The following DNAAF8 variants were observed in gnomAD, a reference collection of about 807,000 sequenced individuals.
DNAAF8 encodes the protein dynein axonemal-associated protein 1.
Under a neutral mutation model 54.6 loss-of-function variants are expected in DNAAF8, and 61 were observed. The ratio of observed to expected loss-of-function variants is 1.12; its 90% confidence interval spans 0.91 to 1.38. The LOEUF is 1.38. DNAAF8 is among the 40% of genes most tolerant of loss of function. The probability of loss-of-function intolerance (pLI) is 0.00; values close to 1 mark genes in which losing one functional copy is unlikely to be tolerated. For missense variants in DNAAF8, 837 were observed against 665.0 expected, an observed-to-expected ratio of 1.26 and a Z score of -2.85; for synonymous variants, 320 against 270.1, an observed-to-expected ratio of 1.18 and a Z score of -1.81.
chr16:4,745,964 A>AAG (rs1555483541), intron 6 of DNAAF8, among the ~76,000 whole-genome samples: 4 of 151,814 alleles, frequency 2.6e-5, no homozygotes, highest in Non-Finnish European at 5.9e-5. Context: ...AAAAAAAAAA[A>AAG]AAAAAGAAAA....
Position 4,740,208 on chromosome 16 carries a change from G to C in DNAAF8, c.332G>C (p.Arg111Thr), listed in dbSNP as rs749965261. Residue 111 changes from arginine (R) to threonine (T), a missense_variant, in exon 4 of 10, where the codon AGG (arginine) becomes ACG (threonine). Arg to Thr is a moderately conservative substitution (Grantham distance 71, BLOSUM62 -1). Coordinates refer to ENST00000299320, the MANE Select transcript of DNAAF8 (RefSeq NM_139170.3). ...GAACCTGGGTGCAGACAGAACACAA[G>C]GACAAAGGATGCATCCTCTCAGGAA... ...ATEPGCRQNT[R>T]TKDASSQEGR... The C allele has an allele frequency of 1.6e-5, 26 of 1,613,922 alleles. No individual in the cohort carries two copies. In the South Asian group the frequency reaches 2.6e-4, roughly 16 times the overall value.
intron 3 of DNAAF8, among the ~76,000 whole-genome samples, chr16:4,739,244 T>G (rs1010713650): frequency 9.4e-5 from 14 of 149,496 alleles, no homozygotes; most frequent in Non-Finnish European, 1.6e-4. Flanking sequence ...CTTCAGAAAC[T>G]CTTCTGGATG....
At chr16:4,741,183 G>A (rs567060785) in intron 4 of DNAAF8, among the ~76,000 whole-genome samples, 18 of 144,684 alleles carry the variant, frequency 1.2e-4, no homozygotes, top group Non-Finnish European at 2.5e-4. Context: ...GCAGTGAGCC[G>A]ATATCGCACC....
chr16:4,738,495 C>T (rs530335173), intron 3 of DNAAF8, among the ~76,000 whole-genome samples: 3 of 152,342 alleles, frequency 2.0e-5, no homozygotes, highest in South Asian at 4.1e-4. Context: ...GTGGACTAAG[C>T]GTGCCAACGC....
intron 4 of DNAAF8, among the ~76,000 whole-genome samples, chr16:4,742,047 T>TA (rs749259437): frequency 1.3e-5 from 2 of 152,168 alleles, no homozygotes; most frequent in Non-Finnish European, 2.9e-5. Flanking sequence ...TTTCTCCACT[T>TA]AGAGGGCTGC....
rs148714990 is a variant in DNAAF8, at chr16:4,740,253, C to T, written c.377C>T (p.Pro126Leu). ...SSQEGRDPGR[P>L]FESSGEVSAL... ...CAGGAAGGAAGAGACCCTGGCAGGCCTTTTGAAAGCTCTGGTGAGGTCAGC... is the reference window on the plus strand; with the variant it reads ...CAGGAAGGAAGAGACCCTGGCAGGCTTTTTGAAAGCTCTGGTGAGGTCAGC... Residue 126 changes from proline to leucine, a missense_variant, in exon 4 of 10, where the codon CCT (proline) becomes CTT (leucine). Coordinates refer to ENST00000299320, the MANE Select transcript of DNAAF8 (RefSeq NM_139170.3). 6.8e-6 allele frequency: 11 copies of T among 1,614,050 alleles called. No homozygotes were observed. The African/African-American group carries it at 1.2e-4, about 18-fold the overall frequency.
chr16:4,738,422 T>G (rs1220395189), intron 3 of DNAAF8, among the ~76,000 whole-genome samples: 1 of 152,178 alleles, frequency 6.6e-6, no homozygotes, highest in Non-Finnish European at 1.5e-5. Flanking sequence ...GGCCCATCAG[T>G]GCCTGAGCAA....
Position 4,747,442 on chromosome 16 carries a change from G to C in DNAAF8, c.1380G>C (p.Gly460=), listed in dbSNP as rs1301460777. 3 of 1,613,118 alleles carry C rather than the reference G, an allele frequency of 1.9e-6. No individual in the cohort carries two copies. The South Asian group carries it at 3.3e-5, about 18-fold the overall frequency. The change falls in exon 9 of 10, where the codon GGG becomes GGC. Residue 460 remains glycine (G), a synonymous_variant. Transcript: ENST00000299320. ...CTGCCAGCAAGGGGCCCGCGGGTGG[G>C]AGGGCTCAGGCCCCTGAAGACACAG... ...ELPASKGPAG[G]RAQAPEDTAG...
In DNAAF8 at chr16:4,738,968, G is replaced by C. The variant is rs74814117; in HGVS notation, c.276+1022G>C. ...AATGGAGACGGGGCCTAGCTCCAGCGTAACTTCTCTCAGGTGTTCTGCTGA... is the reference window on the plus strand; with the variant it reads ...AATGGAGACGGGGCCTAGCTCCAGCCTAACTTCTCTCAGGTGTTCTGCTGA... On this transcript the variant is annotated intron_variant, in intron 3 of 9. Transcript: ENST00000299320. 1.6e-3 allele frequency among the ~76,000 whole-genome samples: 243 copies of C among 152,200 alleles called. 3 individuals carry two copies. Among genetic ancestry groups the C allele is most frequent in the African/African-American group, 5.5e-3 (227 of 41,536 alleles).
At chr16:4,748,570 C>G (rs893459484) in intron 9 of DNAAF8, 155 bp from the exon 10 acceptor site, 1 of 152,286 alleles carries the variant, frequency 6.6e-6, no homozygotes, top group South Asian at 2.1e-4. Flanking sequence ...TGCCCCCTGC[C>G]AAGACCCGGC....
In DNAAF8 at chr16:4,736,593, C is replaced by T; in HGVS notation, c.79C>T (p.Leu27Phe). The change falls in exon 2 of 10, where the codon CTC (leucine) becomes TTC (phenylalanine). Residue 27 changes from leucine to phenylalanine, a missense_variant. Leu to Phe is a conservative substitution (Grantham distance 22, BLOSUM62 0). Coordinates refer to ENST00000299320, the MANE Select transcript of DNAAF8 (RefSeq NM_139170.3). ...ASQMGPWDAI[L>F]KAVKDQLPSL... ...CCAGATGGGGCCCTGGGATGCCATCCTCAAGGCTGTCAAAGACCAGCTCCC... is the reference window on the plus strand; with the variant it reads ...CCAGATGGGGCCCTGGGATGCCATCTTCAAGGCTGTCAAAGACCAGCTCCC... 1 of 1,590,776 alleles carries T rather than the reference C, an allele frequency of 6.3e-7. No individual in the cohort carries two copies. The highest frequency in any genetic ancestry group is 8.6e-7 in the Non-Finnish European group (1 of 1,166,048).
At position 4,740,662 on chromosome 16, in the gene DNAAF8, A is replaced by T; in HGVS notation, c.783+3A>T. The T allele has an allele frequency of 3.8e-6, 6 of 1,584,646 alleles. No homozygotes were observed. The highest frequency in any genetic ancestry group is 5.1e-6 in the Non-Finnish European group (6 of 1,169,070). ...GACCACCAGTGCTCTCGCTCCAGGT[A>T]GGCGCCTCCCCGTGCCTGGCTGTTT... On this transcript the variant is annotated splice_donor_region_variant and intron_variant, in intron 4 of 9. Transcript: ENST00000299320.
intron 1 of DNAAF8, 70 bp from the exon 2 acceptor site, chr16:4,736,394 G>T: frequency 1.7e-6 from 2 of 1,184,742 alleles, no homozygotes; most frequent in South Asian, 5.0e-5. Context: ...CCTACAGCTG[G>T]TAGAGCAGCC....
At chr16:4,744,431 G>A (rs2081987233) in intron 5 of DNAAF8, among the ~76,000 whole-genome samples, 1 of 152,076 alleles carries the variant, frequency 6.6e-6, no homozygotes. Context: ...AGAATACACT[G>A]CGGCTCGATG....
intron 9 of DNAAF8, 102 bp downstream of exon 9, chr16:4,747,736 C>A: frequency 7.4e-7 from 1 of 1,358,222 alleles, no homozygotes; most frequent in Non-Finnish European, 9.9e-7. Flanking sequence ...CAGGGGCATT[C>A]CAGAGGCAGG....
intron 4 of DNAAF8, among the ~76,000 whole-genome samples, chr16:4,742,838 G>C (rs1403246591): frequency 1.3e-5 from 2 of 152,188 alleles, no homozygotes; most frequent in African/African-American, 4.8e-5. Flanking sequence ...AGGTGGCAAA[G>C]TGCAGGCCCA....
rs753153976 is a variant in DNAAF8 at position 4,740,539 on chromosome 16, C to A, written c.663C>A (p.Gly221=). The A allele has an allele frequency of 2.0e-5, 33 of 1,613,916 alleles. No individual in the cohort carries two copies. The highest frequency in any genetic ancestry group is 2.5e-6 in the Non-Finnish European group (3 of 1,180,030). ...AGAAAGTCACCCGGGATGCCTGCGG[C>A]CCGACCAGCAGTGACAAAGGTGGGG... The part of the protein sequence containing the change: ...ILQKVTRDAC[G]PTSSDKGGVK... The change falls in exon 4 of 10, where the codon GGC becomes GGA. Residue 221 remains glycine (G), a synonymous_variant. Transcript: ENST00000299320.
intron 9 of DNAAF8, 99 bp downstream of exon 9, chr16:4,747,733 A>G (rs1179551664): frequency 1.5e-6 from 2 of 1,371,594 alleles, no homozygotes; most frequent in African/African-American, 2.9e-5. Context: ...TAGCAGGGGC[A>G]TTCCAGAGGC....
intron 1 of DNAAF8, 126 bp from the exon 2 acceptor site, chr16:4,736,338 G>A (rs527337489): frequency 9.9e-5 from 58 of 585,776 alleles, no homozygotes; most frequent in Non-Finnish European, 1.4e-4. Context: ...TGCATAACTA[G>A]AAGGAAACTG....
Sources: gnomAD v4.1 joint callset for allele counts (sites outside exome capture counted in the v4.1 genomes callset) on GRCh38, gnomAD v4.1.1 for gene constraint, MANE v1.5 for transcripts, NCBI Gene and HGNC (gene_info 2026-07-23, HGNC 2026-07-21) for gene names.